Variants in DOCK4 observed in about 807,000 individuals in gnomAD.
The protein encoded by DOCK4 is dedicator of cytokinesis protein 4.
DOCK4 carries 97 observed loss-of-function variants against 268.1 expected under a neutral mutation model. The observed-to-expected ratio is 0.36, with a 90% CI of 0.31 to 0.43. The LOEUF (loss-of-function observed/expected upper bound fraction) is 0.43, where lower values mean the gene tolerates loss of function less well. DOCK4 is among the 20% of genes least tolerant of loss of function. The pLI, the probability that DOCK4 is intolerant of heterozygous loss-of-function variation, is 1.00. For synonymous variants in DOCK4, 954 were observed against 887.2 expected (o/e 1.08, Z -1.34); for missense variants, 2,145 against 2,455.7 (o/e 0.87, Z 2.67).
chr7:111,752,382 T>G (rs1296634064), intron 42 of DOCK4, among the ~76,000 whole-genome samples: 1 of 152,080 alleles, frequency 6.6e-6, no homozygotes, highest in Non-Finnish European at 1.5e-5. Context: ...AGGCACTAGG[T>G]GGCGCTATCG....
chr7:111,975,615 T>C lies in DOCK4; in HGVS notation c.701+1517A>G, dbSNP rs539640794. On this transcript the variant is annotated intron_variant, in intron 8 of 52. Transcript: ENST00000428084. Reference sequence around the variant, plus strand: ...CAGTGTAGAAAGTAGATTCTAAAACTGTATTACCACTGTTATTTCCACACC... The same window carrying C: ...CAGTGTAGAAAGTAGATTCTAAAACCGTATTACCACTGTTATTTCCACACC... Among the ~76,000 whole-genome samples the C allele has an allele frequency of 4.4e-4, 67 of 152,306 alleles. No homozygotes were observed. The South Asian group carries it at 5.2e-3, about 12-fold the overall frequency.
intron 1 of DOCK4, among the ~76,000 whole-genome samples, chr7:112,157,146 T>C (rs183020065): frequency 6.6e-6 from 1 of 152,294 alleles, no homozygotes; most frequent in Non-Finnish European, 1.5e-5. Context: ...TTATTCACTA[T>C]GGTTGAGCCC....
intron 10 of DOCK4, among the ~76,000 whole-genome samples, chr7:111,940,806 A>T (rs1230895305): frequency 6.6e-6 from 1 of 152,212 alleles, no homozygotes; most frequent in Non-Finnish European, 1.5e-5. Context: ...TTACATGTTT[A>T]AAAATATGTT....
At chr7:112,188,643 T>C (rs909052978) in intron 1 of DOCK4, among the ~76,000 whole-genome samples, 2 of 152,348 alleles carry the variant, frequency 1.3e-5, no homozygotes, top group South Asian at 2.1e-4. Flanking sequence ...AAGATTTCCC[T>C]ACCACCACTT....
chr7:112,123,105 T>C (rs1812890105), intron 1 of DOCK4, among the ~76,000 whole-genome samples: 1 of 152,228 alleles, frequency 6.6e-6, no homozygotes. Context: ...AGAGGAATTC[T>C]GTTAAAGGGA....
rs1356707907 is a variant in DOCK4 at position 112,206,191 on chromosome 7, C to T, written c.-53G>A. ...CTTTGTAATCCCCGCGCCCCTTCTC[C>T]GGCTCACAACAATGCACAGTCCCCG... On this transcript the variant is annotated 5_prime_UTR_variant, in exon 1 of 53. Transcript: ENST00000428084. 4 of 1,536,372 alleles carry T rather than the reference C, an allele frequency of 2.6e-6. No individual in the cohort carries two copies. The highest frequency in any genetic ancestry group is 3.5e-6 in the Non-Finnish European group (4 of 1,132,636).
chr7:111,977,570 C>T (rs535381779), intron 7 of DOCK4, among the ~76,000 whole-genome samples: 4 of 152,236 alleles, frequency 2.6e-5, no homozygotes, highest in South Asian at 2.1e-4. Flanking sequence ...TATCAAGGAA[C>T]CTTGCTTGAA....
chr7:112,171,984 G>T (rs972441007), intron 1 of DOCK4, among the ~76,000 whole-genome samples: 1 of 152,144 alleles, frequency 6.6e-6, no homozygotes, highest in African/African-American at 2.4e-5. Context: ...GTGTCTCCTT[G>T]TGTGTCCAAT....
chr7:111,977,178 C>G lies in DOCK4; in HGVS notation c.655G>C (p.Glu219Gln). Reference protein sequence around the residue: ...LMCSNLGEELEVIFSLFDSKE... With the variant: ...LMCSNLGEELQVIFSLFDSKE... ...CTGTCAAAGAGTGAGAAGATGACCT[C>G]CAGCTCCTCTCCCAGGTTGGAACAC... The change falls in exon 8 of 53, where the codon GAG (glutamate) becomes CAG (glutamine). Residue 219 changes from glutamate (E) to glutamine (Q), a missense_variant. Glu to Gln is a conservative substitution (Grantham distance 29). This residue lies in a region of DOCK4 where 1,598 missense variants were observed against 1,986.7 expected (regional missense o/e 0.80). Coordinates refer to ENST00000428084, the MANE Select transcript of DOCK4 (RefSeq NM_001363540.2). The G allele has an allele frequency of 6.2e-7, 1 of 1,612,820 alleles. No individual in the cohort carries two copies. Among genetic ancestry groups the G allele is most frequent in the Non-Finnish European group, 8.5e-7 (1 of 1,179,554 alleles).
intron 12 of DOCK4, among the ~76,000 whole-genome samples, chr7:111,920,698 G>C (rs1430080192): frequency 6.6e-6 from 1 of 152,016 alleles, no homozygotes; most frequent in East Asian, 1.9e-4. Flanking sequence ...TTGAGAGGAG[G>C]GTGGAAAGTG....
intron 46 of DOCK4, 87 bp from the exon 47 acceptor site, chr7:111,741,301 G>GA (rs1585842100): frequency 2.0e-6 from 3 of 1,534,326 alleles, no homozygotes; most frequent in East Asian, 4.5e-5. Context: ...CCAAAGGGGG[G>GA]AAAATACATT....
intron 1 of DOCK4, among the ~76,000 whole-genome samples, chr7:112,163,333 C>T (rs1440124182): frequency 2.0e-5 from 3 of 152,084 alleles, no homozygotes; most frequent in Admixed American, 6.5e-5. Flanking sequence ...CTCATCAATG[C>T]CCTGGCCAAC....
intron 42 of DOCK4, among the ~76,000 whole-genome samples, chr7:111,751,489 G>A (rs532807111): frequency 1.3e-5 from 2 of 151,884 alleles, no homozygotes; most frequent in Non-Finnish European, 2.9e-5. Flanking sequence ...CTGTTGCCCA[G>A]GCTGGAGTGC....
chr7:111,847,455 G>A (rs1014842116), intron 23 of DOCK4, among the ~76,000 whole-genome samples: 5 of 151,324 alleles, frequency 3.3e-5, no homozygotes, highest in Non-Finnish European at 7.4e-5. Flanking sequence ...TTTCTACTAC[G>A]GTAGAAGAGG....
rs139312752 is a variant in DOCK4 at position 112,021,785 on chromosome 7, C to T, written c.38-17654G>A. Among the ~76,000 whole-genome samples the T allele has an allele frequency of 2.2e-3, 342 of 152,206 alleles. 4 individuals are homozygous for T. Among genetic ancestry groups the T allele is most frequent in the East Asian group, 1.5e-3 (8 of 5,178 alleles). On this transcript the variant is annotated intron_variant, in intron 1 of 52. Coordinates refer to ENST00000428084, the MANE Select transcript of DOCK4 (RefSeq NM_001363540.2). ...TTCACAGCTGTCAAACACAACTATA[C>T]ACAAAAAGGATCAAGGCCCTGTCTA...
intron 23 of DOCK4, among the ~76,000 whole-genome samples, chr7:111,853,917 T>TTTG (rs762690402): frequency 1.1e-4 from 17 of 151,818 alleles, no homozygotes; most frequent in Admixed American, 2.6e-4. Flanking sequence ...TCAGTAGCTT[T>TTTG]TTGTTGTTGT....
rs1054188 is a variant in DOCK4, at chr7:111,726,464, T to C, written c.*1810A>G. The C allele has an allele frequency of 0.07, 10,713 of 152,228 alleles. 402 individuals carry two copies. The highest frequency in any genetic ancestry group is 0.11 in the Middle Eastern group (32 of 294). 9.4% of individuals were successfully genotyped at this position (152,228 alleles called of 1,614,324 possible). ...AAATATGGAGCTTCACATATATATGTATATATATATGAATGTGGTTACAAA... is the reference window on the plus strand; with the variant it reads ...AAATATGGAGCTTCACATATATATGCATATATATATGAATGTGGTTACAAA... On this transcript the variant is annotated 3_prime_UTR_variant, in exon 53 of 53. Coordinates refer to ENST00000428084, the MANE Select transcript of DOCK4 (RefSeq NM_001363540.2).
chr7:111,913,066 C>T (rs1435266856), intron 13 of DOCK4, among the ~76,000 whole-genome samples: 2 of 151,506 alleles, frequency 1.3e-5, no homozygotes, highest in African/African-American at 4.9e-5. Context: ...CGGGTTCAAG[C>T]GATTCTCTTG....
intron 8 of DOCK4, chr7:111,971,989 CCTT>C (rs899913295): frequency 1.3e-5 from 2 of 159,272 alleles, no homozygotes; most frequent in African/African-American, 4.8e-5. Flanking sequence ...TTCCTCTTGG[CCTT>C]CTTTCCTTTC....
Sources: gnomAD v4.1 joint callset for allele counts (sites outside exome capture counted in the v4.1 genomes callset) on GRCh38, gnomAD v4.1.1 for gene constraint, gnomAD v4.1.1 regional missense constraint, MANE v1.5 for transcripts, NCBI Gene and HGNC (gene_info 2026-07-23, HGNC 2026-07-21) for gene names.